The following BNC1 variants were observed in gnomAD, a reference collection of about 807,000 sequenced individuals.
BNC1 encodes basonuclin zinc finger protein 1.
In BNC1, 8 loss-of-function variants were observed where a neutral mutation model predicts 66.5. The observed-to-expected ratio is 0.12, with a 90% confidence interval of 0.07 to 0.22. The LOEUF (loss-of-function observed/expected upper bound fraction) is 0.22. BNC1 is among the 10% of genes least tolerant of loss of function. The pLI is 1.00. For synonymous variants in BNC1, 454 were observed against 452.6 expected, an observed-to-expected ratio of 1.00 and a Z score of -0.04; for missense variants, 1,069 against 1,241.3, an observed-to-expected ratio of 0.86 and a Z score of 2.09.
rs900106092 is a variant in BNC1 at position 83,268,293 on chromosome 15, T to C, written c.100-61A>G. ...TAAGTGATGTGTGAAACATTCATTG[T>C]ATTTCAAACAAAACATATTCCTCCA... On this transcript the variant is annotated intron_variant, in intron 1 of 4. Transcript: ENST00000345382. 17 of 1,422,138 alleles carry C rather than the reference T, an allele frequency of 1.2e-5. No homozygotes were observed. The African/African-American group carries it at 2.3e-4, about 19-fold the overall frequency. 88.1% of individuals were successfully genotyped at this position (1,422,138 alleles called of 1,614,324 possible).
intron 1 of BNC1, among the ~76,000 whole-genome samples, chr15:83,275,983 G>A (rs553439285): frequency 6.6e-5 from 10 of 152,106 alleles, no homozygotes; most frequent in African/African-American, 2.4e-4. Flanking sequence ...TCACCTCACC[G>A]GGCACCTTTC....
chr15:83,261,883 A>G (rs1378141187), intron 4 of BNC1, among the ~76,000 whole-genome samples: 2 of 152,216 alleles, frequency 1.3e-5, no homozygotes, highest in Non-Finnish European at 2.9e-5. Flanking sequence ...CTGGGTAACT[A>G]GAAATAAAGG....
At position 83,257,448 on chromosome 15, in the gene BNC1, G is replaced by A. The variant is rs2038086740; in HGVS notation, c.2979C>T (p.Leu993=). The part of the protein sequence containing the change: ...HKSLASSPSH[L]Q ...TACTTGGTTTGCCATCTTGTTACTGGAGGTGACTTGGAGATGAGGCCAGGC... is the reference window on the plus strand; with the variant it reads ...TACTTGGTTTGCCATCTTGTTACTGAAGGTGACTTGGAGATGAGGCCAGGC... The change falls in exon 5 of 5, where the codon CTC becomes CTT. Residue 993 remains leucine (L), a synonymous_variant. Coordinates refer to ENST00000345382, the MANE Select transcript of BNC1 (RefSeq NM_001717.4). The A allele has an allele frequency of 1.2e-6, 2 of 1,611,220 alleles. No individual in the cohort carries two copies. The highest frequency in any genetic ancestry group is 1.7e-6 in the Non-Finnish European group (2 of 1,178,268).
At chr15:83,259,997 T>C (rs1312949024) in intron 4 of BNC1, among the ~76,000 whole-genome samples, 2 of 152,216 alleles carry the variant, frequency 1.3e-5, no homozygotes, top group Non-Finnish European at 2.9e-5. Context: ...CTCTTCCTCT[T>C]GGCTTCTATT....
Position 83,264,027 on chromosome 15 carries a change from G to A in BNC1, c.1224C>T (p.Asn408=). 1 of 1,614,200 alleles carries A rather than the reference G, an allele frequency of 6.2e-7. No homozygotes were observed. Among genetic ancestry groups the A allele is most frequent in the Non-Finnish European group, 8.5e-7 (1 of 1,180,036 alleles). The change falls in exon 4 of 5, where the codon AAC becomes AAT. Residue 408 remains asparagine, a synonymous_variant. Transcript: ENST00000345382. ...TTGGCATGTGCAGCCGAGGGTTGGG[G>A]TTGGCGCTATGGCGATTCCGGCTCC... ...SLRSRNRHSA[N]PNPRLHMPMN...
chr15:83,273,053 T>G (rs1192691010), intron 1 of BNC1, among the ~76,000 whole-genome samples: 3 of 152,134 alleles, frequency 2.0e-5, no homozygotes, highest in African/African-American at 7.2e-5. Context: ...TTAGCTTCAG[T>G]TTCGGGATAA....
Position 83,284,655 on chromosome 15 carries a change from C to G in BNC1, c.-27G>C. On this transcript the variant is annotated 5_prime_UTR_variant, in exon 1 of 5. Coordinates refer to ENST00000345382, the MANE Select transcript of BNC1 (RefSeq NM_001717.4). ...CACGCTCCGGCCGTCGGGGCGCGACCCGGCGAAGTGGGCGGCTCCCCAAGC... is the reference window on the plus strand; with the variant it reads ...CACGCTCCGGCCGTCGGGGCGCGACGCGGCGAAGTGGGCGGCTCCCCAAGC... The G allele has an allele frequency of 2.1e-6, 2 of 970,716 alleles. No homozygotes were observed. The highest frequency in any genetic ancestry group is 1.2e-6 in the Non-Finnish European group (1 of 817,480). 60.1% of individuals were successfully genotyped at this position (970,716 alleles called of 1,614,324 possible).
intron 1 of BNC1, among the ~76,000 whole-genome samples, chr15:83,281,899 C>A (rs2038382577): frequency 1.3e-5 from 2 of 152,252 alleles, no homozygotes; most frequent in African/African-American, 2.4e-5. Context: ...GGGCATGGGC[C>A]TGGGATGCAG....
chr15:83,281,495 A>G (rs181220735), intron 1 of BNC1, among the ~76,000 whole-genome samples: 58 of 152,318 alleles, frequency 3.8e-4, no homozygotes, highest in Admixed American at 1.5e-3. Flanking sequence ...AGTTCCTTCT[A>G]AAAAGGACAG....
At chr15:83,276,985 A>G (rs2038329275) in intron 1 of BNC1, among the ~76,000 whole-genome samples, 1 of 152,214 alleles carries the variant, frequency 6.6e-6, no homozygotes, top group South Asian at 2.1e-4. Context: ...TCTCAGTGGA[A>G]AAAAATCGTA....
At chr15:83,284,380 G>T in intron 1 of BNC1, 150 bp downstream of exon 1, 1 of 387,378 alleles carries the variant, frequency 2.6e-6, no homozygotes, top group Non-Finnish European at 3.6e-6. Context: ...CCCTCCCGCC[G>T]CGCCTCGGGG....
intron 1 of BNC1, among the ~76,000 whole-genome samples, chr15:83,278,756 C>T (rs566726315): frequency 2.0e-5 from 3 of 152,184 alleles, no homozygotes; most frequent in Non-Finnish European, 4.4e-5. Flanking sequence ...CATACCACCA[C>T]ACATATGGTG....
chr15:83,259,967 C>A (rs1262647599), intron 4 of BNC1, among the ~76,000 whole-genome samples: 2 of 152,264 alleles, frequency 1.3e-5, no homozygotes, highest in East Asian at 3.9e-4. Context: ...AACCCTACAA[C>A]CTCTACCTCT....
intron 1 of BNC1, among the ~76,000 whole-genome samples, chr15:83,280,421 T>C (rs996512124): frequency 6.6e-6 from 1 of 152,198 alleles, no homozygotes; most frequent in Non-Finnish European, 1.5e-5. Flanking sequence ...TTACCTAAGT[T>C]ACATAAGCAA....
At chr15:83,270,357 T>C (rs1309852763) in intron 1 of BNC1, among the ~76,000 whole-genome samples, 1 of 152,266 alleles carries the variant, frequency 6.6e-6, no homozygotes, top group Non-Finnish European at 1.5e-5. Context: ...GGTATAGTCC[T>C]AGAACTACTG....
intron 1 of BNC1, among the ~76,000 whole-genome samples, chr15:83,270,068 T>A (rs1464353972): frequency 1.3e-5 from 2 of 152,162 alleles, no homozygotes; most frequent in African/African-American, 4.8e-5. Flanking sequence ...CCTGGGGCTG[T>A]GGAGAGTAGG....
rs899959286 is a variant in BNC1, at chr15:83,274,275, C to T, written c.100-6043G>A. On this transcript the variant is annotated intron_variant, in intron 1 of 4. Transcript: ENST00000345382. ...TGGCAGGCGCCTGTAGTCCCAGCTACAGGGGAGGCTGAGCCAGGAGAATGG... is the reference window on the plus strand; with the variant it reads ...TGGCAGGCGCCTGTAGTCCCAGCTATAGGGGAGGCTGAGCCAGGAGAATGG... Among the ~76,000 whole-genome samples, 9 of 152,150 alleles carry T rather than the reference C, an allele frequency of 5.9e-5. No homozygotes were observed. In the East Asian group the frequency reaches 1.5e-3, roughly 26 times the overall value.
chr15:83,284,658 G>C lies in BNC1; in HGVS notation c.-30C>G, dbSNP rs2038426010. On this transcript the variant is annotated 5_prime_UTR_variant, in exon 1 of 5. Coordinates refer to ENST00000345382, the MANE Select transcript of BNC1 (RefSeq NM_001717.4). ...GCTCCGGCCGTCGGGGCGCGACCCG[G>C]CGAAGTGGGCGGCTCCCCAAGCGCC... 1.0e-6 allele frequency: 1 copy of C among 957,154 alleles called. No individual in the cohort carries two copies. The highest frequency in any genetic ancestry group is 1.2e-6 in the Non-Finnish European group (1 of 805,348). 59.3% of individuals were successfully genotyped at this position (957,154 alleles called of 1,614,324 possible).
rs544515079 is a variant in BNC1 at position 83,283,088 on chromosome 15, C to A, written c.99+1442G>T. 4.6e-5 allele frequency: 70 copies of A among 1,529,646 alleles called. No homozygotes were observed. In the Admixed American group the frequency reaches 4.7e-4, roughly 10 times the overall value. 94.8% of individuals were successfully genotyped at this position (1,529,646 alleles called of 1,614,324 possible). The stretch of plus-strand genomic sequence containing the variant: ...ATGCCCCCCGCCCCCCAACCACACA[C>A]AACTTCACTCACACAATTAAGGCTG... On this transcript the variant is annotated intron_variant, in intron 1 of 4. Transcript: ENST00000345382.
Sources: allele counts gnomAD v4.1 joint callset (sites outside exome capture counted in the v4.1 genomes callset), GRCh38; gene constraint gnomAD v4.1.1; transcripts MANE v1.5; gene names NCBI Gene and HGNC (gene_info 2026-07-23, HGNC 2026-07-21).